Variants in CAMKMT observed in about 807,000 individuals in gnomAD.
CAMKMT encodes calmodulin-lysine N-methyltransferase, also known as CaM KMT.
In CAMKMT, 53 loss-of-function variants were observed where a neutral mutation model predicts 48.0. The ratio of observed to expected loss-of-function variants is 1.10; its 90% CI spans 0.89 to 1.39. The LOEUF is 1.39. Ranked by LOEUF, CAMKMT falls within the 40% of genes most tolerant of loss-of-function variation. The probability of loss-of-function intolerance (pLI) is 0.00; values close to 1 mark genes in which losing one functional copy is unlikely to be tolerated. For synonymous variants in CAMKMT, 165 were observed against 152.3 expected, an observed-to-expected ratio of 1.08 and a Z score of -0.61; for missense variants, 428 against 402.7, an observed-to-expected ratio of 1.06 and a Z score of -0.54.
chr2:44,760,493 C>G (rs1054584008), intron 9 of CAMKMT, among the ~76,000 whole-genome samples: 436 of 151,290 alleles, frequency 2.9e-3, no homozygotes, highest in African/African-American at 0.01. Flanking sequence ...TGCCTGTAGT[C>G]TCAGCTACTC....
At chr2:44,716,699 C>G (rs75265516) in intron 7 of CAMKMT, among the ~76,000 whole-genome samples, 5,691 of 152,240 alleles carry the variant, frequency 0.037, 203 homozygotes, top group African/African-American at 0.093. Context: ...GACGGCCTTA[C>G]CCTTCTGGAG....
chr2:44,446,982 G>A (rs969827629), intron 3 of CAMKMT, among the ~76,000 whole-genome samples: 4 of 152,140 alleles, frequency 2.6e-5, no homozygotes, highest in African/African-American at 7.2e-5. Context: ...GATTACCCAG[G>A]TGTTCTTTAT....
chr2:44,547,967 C>T (rs1406577780), intron 3 of CAMKMT, among the ~76,000 whole-genome samples: 1 of 152,168 alleles, frequency 6.6e-6, no homozygotes, highest in Non-Finnish European at 1.5e-5. Context: ...ATCAGAGGCA[C>T]ACTGATCACT....
At chr2:44,645,841 CA>C (rs1673701335) in intron 3 of CAMKMT, among the ~76,000 whole-genome samples, 1 of 152,128 alleles carries the variant, frequency 6.6e-6, no homozygotes, top group East Asian at 1.9e-4. Context: ...TAAGAGGAGT[CA>C]AAATCTAAGT....
chr2:44,588,029 C>T (rs1202024675), intron 3 of CAMKMT, among the ~76,000 whole-genome samples: 16 of 137,082 alleles, frequency 1.2e-4, no homozygotes, highest in Admixed American at 3.0e-4. Context: ...ATCTAGGAAG[C>T]GAGGAGCGCC....
intron 3 of CAMKMT, chr2:44,456,924 A>G (rs1667594007): frequency 4.1e-6 from 1 of 241,662 alleles, no homozygotes; most frequent in East Asian, 8.8e-5. Context: ...AATTCTATTT[A>G]AAATACTTAG....
intron 3 of CAMKMT, among the ~76,000 whole-genome samples, chr2:44,553,002 C>T (rs749728339): frequency 4.6e-5 from 7 of 152,042 alleles, no homozygotes; most frequent in South Asian, 4.2e-4. Flanking sequence ...ATACATAAGG[C>T]GAAAGGAGGC....
intron 3 of CAMKMT, among the ~76,000 whole-genome samples, chr2:44,545,171 G>C (rs1284023719): frequency 1.3e-5 from 2 of 152,124 alleles, no homozygotes; most frequent in Non-Finnish European, 2.9e-5. Flanking sequence ...TCACGGTATG[G>C]GGCAAAATTA....
At chr2:44,707,123 A>G (rs973181910) in intron 5 of CAMKMT, among the ~76,000 whole-genome samples, 8 of 151,974 alleles carry the variant, frequency 5.3e-5, no homozygotes, top group Admixed American at 6.6e-5. Flanking sequence ...AAGCCCACAA[A>G]TGAAAGCCTC....
At chr2:44,602,579 A>G (rs1439057310) in intron 3 of CAMKMT, among the ~76,000 whole-genome samples, 1 of 151,998 alleles carries the variant, frequency 6.6e-6, no homozygotes, top group Non-Finnish European at 1.5e-5. Flanking sequence ...GATTTAATTG[A>G]CTCACAGTTC....
At chr2:44,525,557 A>G (rs1671362602) in intron 3 of CAMKMT, among the ~76,000 whole-genome samples, 1 of 152,158 alleles carries the variant, frequency 6.6e-6, no homozygotes. Context: ...CTGGGCTGAG[A>G]TATTCTTTTC....
intron 7 of CAMKMT, among the ~76,000 whole-genome samples, chr2:44,735,101 T>C (rs1475273618): frequency 6.6e-6 from 1 of 152,248 alleles, no homozygotes; most frequent in Non-Finnish European, 1.5e-5. Flanking sequence ...TGTAAAGTGA[T>C]CTTCCTTATT....
At position 44,731,835 on chromosome 2, in the gene CAMKMT, T is replaced by A. The variant is rs1437746; in HGVS notation, c.624-11787T>A. Among the ~76,000 whole-genome samples the A allele has an allele frequency of 4.6e-3, 694 of 152,374 alleles. 17 individuals carry two copies. The East Asian group carries it at 0.068, about 15-fold the overall frequency. ...GCAATGATACTCAGCATCTCTCATCTTCACTGCCTTGCGTTTGAACTCAGA... is the reference window on the plus strand; with the variant it reads ...GCAATGATACTCAGCATCTCTCATCATCACTGCCTTGCGTTTGAACTCAGA... On this transcript the variant is annotated intron_variant, in intron 7 of 10. Coordinates refer to ENST00000378494, the MANE Select transcript of CAMKMT (RefSeq NM_024766.5).
intron 2 of CAMKMT, among the ~76,000 whole-genome samples, chr2:44,384,076 T>TTTTCA (rs1680530917): frequency 6.6e-6 from 1 of 152,208 alleles, no homozygotes; most frequent in Admixed American, 6.5e-5. Context: ...GTTGTACTAG[T>TTTTCA]TTTCATTCCC....
At chr2:44,395,700 T>C (rs1681769576) in intron 3 of CAMKMT, among the ~76,000 whole-genome samples, 1 of 152,178 alleles carries the variant, frequency 6.6e-6, no homozygotes, top group Non-Finnish European at 1.5e-5. Flanking sequence ...TAATATTAGA[T>C]AATGTGAAAG....
intron 3 of CAMKMT, among the ~76,000 whole-genome samples, chr2:44,616,847 A>G (rs1671921459): frequency 6.6e-6 from 1 of 152,226 alleles, no homozygotes; most frequent in Admixed American, 6.5e-5. Flanking sequence ...TTCTATATGC[A>G]GCTGCTTTGA....
chr2:44,369,297 A>G lies in CAMKMT; in HGVS notation c.139-3419A>G, dbSNP rs553533151. On this transcript the variant is annotated intron_variant, in intron 1 of 10. Coordinates refer to ENST00000378494, the MANE Select transcript of CAMKMT (RefSeq NM_024766.5). ...AAAACTAACCTTCTAAAACTTCTAC[A>G]TAGTATATAAAATTTAAACATTTTT... Among the ~76,000 whole-genome samples the G allele has an allele frequency of 4.6e-5, 7 of 152,332 alleles. No individual in the cohort carries two copies. In the South Asian group the frequency reaches 1.0e-3, roughly 23 times the overall value.
At chr2:44,431,031 A>G (rs148973092) in intron 3 of CAMKMT, among the ~76,000 whole-genome samples, 1 of 152,324 alleles carries the variant, frequency 6.6e-6, no homozygotes, top group East Asian at 1.9e-4. Flanking sequence ...TTTATTTTGT[A>G]ATCATACATA....
At chr2:44,741,221 G>A (rs1265164667) in intron 7 of CAMKMT, among the ~76,000 whole-genome samples, 2 of 152,182 alleles carry the variant, frequency 1.3e-5, no homozygotes, top group Non-Finnish European at 1.5e-5. Context: ...AACAAAGTCT[G>A]GTCCTCCCCC....
Sources: allele counts gnomAD v4.1 joint callset (sites outside exome capture counted in the v4.1 genomes callset), GRCh38; gene constraint gnomAD v4.1.1; transcripts MANE v1.5; gene names NCBI Gene and HGNC (gene_info 2026-07-23, HGNC 2026-07-21).